AKAP13: variants seen among roughly 807,000 people sequenced by gnomAD.
The protein encoded by AKAP13 is A-kinase anchoring protein 13.
Under a neutral mutation model 264.5 loss-of-function variants are expected in AKAP13, and 80 were observed. That is an observed-to-expected ratio of 0.30 (90% CI 0.25 to 0.36). The LOEUF (loss-of-function observed/expected upper bound fraction) is 0.36, where lower values mean the gene tolerates loss of function less well. Ranked by LOEUF, AKAP13 falls within the 10% of genes least tolerant of loss-of-function variation. AKAP13 has a pLI of 1.00. For synonymous variants in AKAP13, 1,380 were observed against 1,250.2 expected (o/e 1.10, Z -2.19); for missense variants, 3,712 against 3,435.2 (o/e 1.08, Z -2.01).
chr15:85,481,617 C>T (rs866166313), intron 1 of AKAP13, among the ~76,000 whole-genome samples: 8 of 152,214 alleles, frequency 5.3e-5, no homozygotes, highest in Non-Finnish European at 1.5e-5. Flanking sequence ...CTGCTTATTT[C>T]ACACCCCTCA....
At position 85,727,251 on chromosome 15, in the gene AKAP13, A is replaced by T. The variant is rs781364170; in HGVS notation, c.7004+4A>T. Reference sequence around the variant, plus strand: ...TTCAGGACACAATCAACACCCTGTAAGTTAACCACCAGGCCCCACCCTTCC... The same window carrying T: ...TTCAGGACACAATCAACACCCTGTATGTTAACCACCAGGCCCCACCCTTCC... On this transcript the variant is annotated splice_donor_region_variant and intron_variant, in intron 28 of 36. Transcript: ENST00000394518. This position sits in a 1 kb window ranked among gnomAD's most constrained non-coding sequence, Gnocchi z 5.3. The T allele has an allele frequency of 6.2e-7, 1 of 1,614,132 alleles. No homozygotes were observed.
rs1264967777 is a variant in AKAP13, at chr15:85,708,817, A to G, written c.5532+731A>G. On this transcript the variant is annotated intron_variant, in intron 18 of 36. Transcript: ENST00000394518. This position sits in a 1 kb window ranked among gnomAD's most constrained non-coding sequence, Gnocchi z 4.3. ...GAGCTGTGTGCTTCGTCAGTCACCAAACACAGTTATCTAGTGCCATGACCT... is the reference window on the plus strand; with the variant it reads ...GAGCTGTGTGCTTCGTCAGTCACCAGACACAGTTATCTAGTGCCATGACCT... Among the ~76,000 whole-genome samples the G allele has an allele frequency of 6.6e-6, 1 of 152,154 alleles. No homozygotes were observed. Among genetic ancestry groups the G allele is most frequent in the African/African-American group, 2.4e-5 (1 of 41,430 alleles).
intron 17 of AKAP13, among the ~76,000 whole-genome samples, chr15:85,703,034 T>C (rs746622398): frequency 6.6e-6 from 1 of 152,236 alleles, no homozygotes; most frequent in Non-Finnish European, 1.5e-5. Context: ...TCTGTTGTGC[T>C]AGCAGCATTT....
chr15:85,521,124 A>T (rs2076807906), intron 2 of AKAP13, among the ~76,000 whole-genome samples: 1 of 151,946 alleles, frequency 6.6e-6, no homozygotes. Flanking sequence ...CCCCTTTTTA[A>T]CCCATTCATC....
chr15:85,639,821 A>T (rs769981700), intron 9 of AKAP13, among the ~76,000 whole-genome samples: 1 of 152,226 alleles, frequency 6.6e-6, no homozygotes, highest in Non-Finnish European at 1.5e-5. Context: ...CTTTAAAAAT[A>T]TACTGATGCC....
At chr15:85,622,959 A>G (rs1266726362) in intron 8 of AKAP13, among the ~76,000 whole-genome samples, 1 of 152,190 alleles carries the variant, frequency 6.6e-6, no homozygotes, top group Non-Finnish European at 1.5e-5. Context: ...TCCTTCTACA[A>G]TACTTAGGAT....
intron 2 of AKAP13, among the ~76,000 whole-genome samples, chr15:85,510,287 C>T (rs1389837766): frequency 1.3e-5 from 2 of 152,154 alleles, no homozygotes; most frequent in East Asian, 1.9e-4. Context: ...AGACATTTCT[C>T]CACAGAAGTC....
At chr15:85,509,404 A>G (rs1340915353) in intron 2 of AKAP13, among the ~76,000 whole-genome samples, 2 of 152,340 alleles carry the variant, frequency 1.3e-5, no homozygotes, top group East Asian at 1.9e-4. Context: ...GAAGCTACTC[A>G]GAGCCATTCA....
intron 1 of AKAP13, among the ~76,000 whole-genome samples, chr15:85,477,885 C>T (rs1033646862): frequency 6.6e-6 from 1 of 152,146 alleles, no homozygotes; most frequent in African/African-American, 2.4e-5. Context: ...ACTCCTTCCC[C>T]ACGATCCCCT....
At chr15:85,593,873 T>A (rs934404505) in intron 8 of AKAP13, among the ~76,000 whole-genome samples, 10 of 152,164 alleles carry the variant, frequency 6.6e-5, no homozygotes, top group African/African-American at 2.4e-4. Context: ...CCCAGTGAAT[T>A]AGGGTTTTAA....
chr15:85,620,081 A>G, intron 8 of AKAP13: 1 of 1,536,068 alleles, frequency 6.5e-7, no homozygotes, highest in Non-Finnish European at 8.7e-7. Context: ...TCTTTCTTGC[A>G]TTTGGGCAAA....
At chr15:85,387,409 C>CCCA (rs1323067948) in intron 1 of AKAP13, among the ~76,000 whole-genome samples, 1 of 152,174 alleles carries the variant, frequency 6.6e-6, no homozygotes, top group African/African-American at 2.4e-5. Flanking sequence ...CCACTCACTG[C>CCCA]AGCCTTGATC....
intron 10 of AKAP13, among the ~76,000 whole-genome samples, chr15:85,655,171 G>C (rs1425994184): frequency 6.6e-6 from 1 of 152,122 alleles, no homozygotes; most frequent in East Asian, 1.9e-4. Context: ...CAGCCTGGGC[G>C]ACAGAGTGAG....
intron 1 of AKAP13, among the ~76,000 whole-genome samples, chr15:85,462,453 G>T (rs1358876533): frequency 6.6e-6 from 1 of 152,140 alleles, no homozygotes; most frequent in African/African-American, 2.4e-5. Context: ...AAAAAGTCAG[G>T]ATTCTTTGGA....
chr15:85,472,374 C>A (rs972150204), intron 1 of AKAP13, among the ~76,000 whole-genome samples: 384 of 150,548 alleles, frequency 2.6e-3, no homozygotes, highest in Non-Finnish European at 4.4e-3. Context: ...AACAACTCAA[C>A]AAATTTTCAA....
At chr15:85,677,495 TATCTAGATGTTC>T (rs2084293420) in intron 14 of AKAP13, among the ~76,000 whole-genome samples, 1 of 152,220 alleles carries the variant, frequency 6.6e-6, no homozygotes, top group Non-Finnish European at 1.5e-5. Context: ...ATGGGACAGA[TATCTAGATGTTC>T]ATCTGTGGTG....
intron 8 of AKAP13, among the ~76,000 whole-genome samples, chr15:85,587,327 C>T (rs1475398011): frequency 6.6e-6 from 1 of 152,190 alleles, no homozygotes; most frequent in Non-Finnish European, 1.5e-5. Context: ...TTGTCTCTGG[C>T]TTCTTTCACT....
chr15:85,428,697 C>T (rs1411825442), intron 1 of AKAP13, among the ~76,000 whole-genome samples: 1 of 152,174 alleles, frequency 6.6e-6, no homozygotes, highest in African/African-American at 2.4e-5. Context: ...CTTACACTCA[C>T]GTTTGGCTTT....
intron 10 of AKAP13, among the ~76,000 whole-genome samples, chr15:85,650,769 AAAAAAAAAAAAAAAAAAAAAAC>A (rs1391467448): frequency 1.3e-4 from 18 of 138,844 alleles, no homozygotes; most frequent in South Asian, 2.3e-4. Flanking sequence ...AAAAAAAAAA[AAAAAAAAAAAAAAAAAAAAAAC>A]AACAAAAACT....
Sources: gnomAD v4.1 joint callset for allele counts (sites outside exome capture counted in the v4.1 genomes callset) on GRCh38, gnomAD v4.1.1 for gene constraint, Gnocchi (gnomAD v3.1) non-coding constraint, MANE v1.5 for transcripts, NCBI Gene and HGNC (gene_info 2026-07-23, HGNC 2026-07-21) for gene names.